Variants in KIRREL3 observed in about 807,000 individuals in gnomAD.
KIRREL3 encodes kin of IRRE-like protein 3.
KIRREL3 carries 36 observed loss-of-function variants against 89.7 expected under a neutral mutation model. The ratio of observed to expected loss-of-function variants is 0.40; its 90% CI spans 0.31 to 0.53. The LOEUF is 0.53. KIRREL3 is among the 20% of genes least tolerant of loss of function. The pLI is 0.49. For synonymous variants in KIRREL3, 445 were observed against 441.4 expected (o/e 1.01, Z -0.10); for missense variants, 864 against 1,056.6 (o/e 0.82, Z 2.53).
intron 6 of KIRREL3, among the ~76,000 whole-genome samples, chr11:126,461,587 G>T (rs896974267): frequency 6.6e-5 from 10 of 152,214 alleles, no homozygotes; most frequent in African/African-American, 2.2e-4. Context: ...CCCGCCCCAA[G>T]AACTCAGCCT....
chr11:126,541,886 C>T lies in KIRREL3; in HGVS notation c.134-15199G>A, dbSNP rs1394657884. 6.6e-6 allele frequency among the ~76,000 whole-genome samples: 1 copy of T among 152,220 alleles called. No homozygotes were observed. Among genetic ancestry groups the T allele is most frequent in the African/African-American group, 2.4e-5 (1 of 41,442 alleles). ...CCACTGCACAGTGAAGGCATTTTCA[C>T]ACCTTTTGAAAGTTCATGCAACCCT... On this transcript the variant is annotated intron_variant, in intron 2 of 16. Coordinates refer to ENST00000525144, the MANE Select transcript of KIRREL3 (RefSeq NM_032531.4). This position sits in a 1 kb window ranked among gnomAD's most constrained non-coding sequence, Gnocchi z 4.8.
Position 126,948,914 on chromosome 11 carries a change from A to G in KIRREL3, c.55+51541T>C, listed in dbSNP as rs1342304417. Among the ~76,000 whole-genome samples the G allele has an allele frequency of 6.6e-6, 1 of 152,230 alleles. No individual in the cohort carries two copies. The highest frequency in any genetic ancestry group is 2.4e-5 in the African/African-American group (1 of 41,450). ...ATAATCCCATATACATATACCATAT[A>G]ACATGCTGGGCTAGGAGAAGAATGC... On this transcript the variant is annotated intron_variant, in intron 1 of 16. Transcript: ENST00000525144. This position sits in a 1 kb window ranked among gnomAD's most constrained non-coding sequence, Gnocchi z 4.5.
At chr11:126,956,409 TC>T (rs1352070849) in intron 1 of KIRREL3, among the ~76,000 whole-genome samples, 1 of 152,190 alleles carries the variant, frequency 6.6e-6, no homozygotes, top group Non-Finnish European at 1.5e-5. Context: ...CCTCATATCT[TC>T]ATCAGTCCAT....
intron 1 of KIRREL3, among the ~76,000 whole-genome samples, chr11:126,693,990 T>C (rs1946985581): frequency 6.6e-6 from 1 of 152,092 alleles, no homozygotes; most frequent in Non-Finnish European, 1.5e-5. Flanking sequence ...GGCAGGCCAG[T>C]AGAGGAAGGA....
Position 126,431,484 on chromosome 11 carries a change from G to A in KIRREL3, c.1631C>T (p.Ala544Val), listed in dbSNP as rs768554893. ...MAVIIGVAVG[A>V]GVAFLVLMAT... ...CATAAGGACGAGGAAGGCCACACCA[G>A]CTCCTACGGCCACCCCAATGATGAC... Residue 544 changes from alanine (A) to valine (V), a missense_variant, in exon 14 of 17, where the codon GCT becomes GTT. Transcript: ENST00000525144. This position sits in a 1 kb window ranked among gnomAD's most constrained non-coding sequence, Gnocchi z 7.1. The A allele has an allele frequency of 5.8e-5, 93 of 1,613,904 alleles. No homozygotes were observed. Among genetic ancestry groups the A allele is most frequent in the Non-Finnish European group, 7.8e-5 (92 of 1,179,912 alleles).
chr11:126,662,733 C>T (rs1191208129), intron 1 of KIRREL3, among the ~76,000 whole-genome samples: 1 of 151,918 alleles, frequency 6.6e-6, no homozygotes, highest in Non-Finnish European at 1.5e-5. Flanking sequence ...TGGAGGAGTC[C>T]AAAACATTCA....
rs1000796877 is a variant in KIRREL3, at chr11:126,628,810, C to T, written c.56-65898G>A. Among the ~76,000 whole-genome samples, 8 of 152,208 alleles carry T rather than the reference C, an allele frequency of 5.3e-5. No individual in the cohort carries two copies. The highest frequency in any genetic ancestry group is 3.9e-4 in the East Asian group (2 of 5,186). ...AGGGCCTCGCCTCTACTGCCCCCTC[C>T]GCTCGCTCTGCCTGTGCAGGGTCCA... On this transcript the variant is annotated intron_variant, in intron 1 of 16. Transcript: ENST00000525144. This position sits in a 1 kb window ranked among gnomAD's most constrained non-coding sequence, Gnocchi z 5.2.
In KIRREL3 at chr11:126,561,321, CCCT is replaced by C. The variant is rs1940102587; in HGVS notation, c.133+1511_133+1513del. ...ATGTTGGCTCAGCTTGCATCCCATCCCCTCATCTCCTCAGCCACCCAGAAGCTG... is the reference window on the plus strand; with the variant it reads ...ATGTTGGCTCAGCTTGCATCCCATCCCATCTCCTCAGCCACCCAGAAGCTG... On this transcript the variant is annotated intron_variant, in intron 2 of 16. Coordinates refer to ENST00000525144, the MANE Select transcript of KIRREL3 (RefSeq NM_032531.4). This position sits in a 1 kb window ranked among gnomAD's most constrained non-coding sequence, Gnocchi z 4.5. Among the ~76,000 whole-genome samples the C allele has an allele frequency of 6.6e-6, 1 of 152,308 alleles. No individual in the cohort carries two copies. Among genetic ancestry groups the C allele is most frequent in the South Asian group, 2.1e-4 (1 of 4,824 alleles).
In KIRREL3 at chr11:126,429,259, C is replaced by A; in HGVS notation, c.1726G>T (p.Asp576Tyr). Residue 576 changes from aspartate (D) to tyrosine (Y), a missense_variant, in exon 15 of 17, where the codon GAT (aspartate) becomes TAT (tyrosine). Coordinates refer to ENST00000525144, the MANE Select transcript of KIRREL3 (RefSeq NM_032531.4). The surrounding 1 kb of genome is among the most constrained non-coding windows in gnomAD (Gnocchi z 5.2). Reference protein sequence around the residue: ...NLKGVVSAKNDIRVEIVHKEP... With the variant: ...NLKGVVSAKNYIRVEIVHKEP... ...TTGTGGACAATTTCCACTCGGATATCATTTTTGGCTGACACAACACCTTTG... is the reference window on the plus strand; with the variant it reads ...TTGTGGACAATTTCCACTCGGATATAATTTTTGGCTGACACAACACCTTTG... The A allele has an allele frequency of 6.2e-7, 1 of 1,613,858 alleles. No homozygotes were observed. The highest frequency in any genetic ancestry group is 8.5e-7 in the Non-Finnish European group (1 of 1,179,754).
chr11:126,897,031 T>C lies in KIRREL3; in HGVS notation c.55+103424A>G, dbSNP rs1003895017. Among the ~76,000 whole-genome samples the C allele has an allele frequency of 1.3e-5, 2 of 152,036 alleles. No homozygotes were observed. The highest frequency in any genetic ancestry group is 2.9e-5 in the Non-Finnish European group (2 of 67,984). On this transcript the variant is annotated intron_variant, in intron 1 of 16. Transcript: ENST00000525144. This position sits in a 1 kb window ranked among gnomAD's most constrained non-coding sequence, Gnocchi z 4.2. ...CCATCCAAGTACCAAAAATCCCTAGTAGGCAGCCTTCTCCTCTCTCTTCCC... is the reference window on the plus strand; with the variant it reads ...CCATCCAAGTACCAAAAATCCCTAGCAGGCAGCCTTCTCCTCTCTCTTCCC...
rs1949650867 is a variant in KIRREL3, at chr11:126,978,858, C to T, written c.55+21597G>A. ...TGCACCCGGGATGCTTATTCTCTTA[C>T]CTGGCTTCCCTGTTATGCCCTGTGT... On this transcript the variant is annotated intron_variant, in intron 1 of 16. Coordinates refer to ENST00000525144, the MANE Select transcript of KIRREL3 (RefSeq NM_032531.4). This position sits in a 1 kb window ranked among gnomAD's most constrained non-coding sequence, Gnocchi z 4.2. 6.6e-6 allele frequency among the ~76,000 whole-genome samples: 1 copy of T among 152,182 alleles called. No individual in the cohort carries two copies. Among genetic ancestry groups the T allele is most frequent in the Admixed American group, 6.5e-5 (1 of 15,274 alleles).
chr11:126,816,046 T>C (rs1951562834), intron 1 of KIRREL3, among the ~76,000 whole-genome samples: 1 of 152,208 alleles, frequency 6.6e-6, no homozygotes, highest in Admixed American at 6.5e-5. Flanking sequence ...TCTTTCCTTG[T>C]TATTTATTTG....
At position 126,795,089 on chromosome 11, in the gene KIRREL3, A is replaced by G. The variant is rs1950763521; in HGVS notation, c.55+205366T>C. ...CCAGGGGTTGGGCAGGAGGAGGAGGAGAGAGATGAATTGTGGAGCACAGGT... is the reference window on the plus strand; with the variant it reads ...CCAGGGGTTGGGCAGGAGGAGGAGGGGAGAGATGAATTGTGGAGCACAGGT... On this transcript the variant is annotated intron_variant, in intron 1 of 16. Coordinates refer to ENST00000525144, the MANE Select transcript of KIRREL3 (RefSeq NM_032531.4). This position sits in a 1 kb window ranked among gnomAD's most constrained non-coding sequence, Gnocchi z 4.1. 6.6e-6 allele frequency among the ~76,000 whole-genome samples: 1 copy of G among 152,184 alleles called. No individual in the cohort carries two copies. The highest frequency in any genetic ancestry group is 6.5e-5 in the Admixed American group (1 of 15,276).
In KIRREL3 at chr11:126,892,964, T is replaced by C. The variant is rs1391954127; in HGVS notation, c.55+107491A>G. On this transcript the variant is annotated intron_variant, in intron 1 of 16. Coordinates refer to ENST00000525144, the MANE Select transcript of KIRREL3 (RefSeq NM_032531.4). The surrounding 1 kb of genome is among the most constrained non-coding windows in gnomAD (Gnocchi z 5.4). ...CTGAGTATTCTAATTGCCTGTGGGA[T>C]AGGATTTCACTATATCCCTGCACAG... 6.6e-6 allele frequency among the ~76,000 whole-genome samples: 1 copy of C among 152,194 alleles called. No homozygotes were observed. Among genetic ancestry groups the C allele is most frequent in the Non-Finnish European group, 1.5e-5 (1 of 68,038 alleles).
At position 126,440,725 on chromosome 11, in the gene KIRREL3, A is replaced by G. The variant is rs73629340; in HGVS notation, c.1253-176T>C. The stretch of plus-strand genomic sequence containing the variant: ...GGACTCAGAGATAAATTAGGCATTC[A>G]GTCATAAACCTCTCAAGGGATCATG... On this transcript the variant is annotated intron_variant, in intron 10 of 16. Transcript: ENST00000525144. 0.017 allele frequency: 11,133 copies of G among 658,820 alleles called. 868 individuals are homozygous for G. The African/African-American group carries it at 0.17, about 10-fold the overall frequency. The allele number at this position is 658,820 out of a possible 1,614,324, so 40.8% of individuals were successfully genotyped here. A position where few individuals can be genotyped will look rare whatever the true frequency, so the allele number is the denominator to read the frequency against.
chr11:126,772,216 A>T lies in KIRREL3; in HGVS notation c.56-209304T>A, dbSNP rs1167727938. Among the ~76,000 whole-genome samples the T allele has an allele frequency of 6.6e-6, 1 of 152,228 alleles. No homozygotes were observed. ...AAGTGTTAGTTGGGAGGGAGGATGC[A>T]CTACAAATCAGAAAGAACAGTGCTA... On this transcript the variant is annotated intron_variant, in intron 1 of 16. Coordinates refer to ENST00000525144, the MANE Select transcript of KIRREL3 (RefSeq NM_032531.4). The surrounding 1 kb of genome is among the most constrained non-coding windows in gnomAD (Gnocchi z 4.6).
rs587780377 is a variant in KIRREL3, at chr11:126,436,826, G to A, written c.1537C>T (p.Arg513Trp). 58 of 1,613,484 alleles carry A rather than the reference G, an allele frequency of 3.6e-5. No individual in the cohort carries two copies. Among genetic ancestry groups the A allele is most frequent in the Middle Eastern group, 3.5e-4 (2 of 5,758 alleles). ...NSFGSDTEII[R>W]LKEQGSEMKS... ...CAGCTCTCACCTTGCTCCTTGAGCC[G>A]GATGATCTCAGTGTCGGAGCCGAAG... Residue 513 changes from arginine (R) to tryptophan (W), a missense_variant, in exon 12 of 17, where the codon CGG becomes TGG. Physicochemically the swap from Arg to Trp is moderately radical, Grantham distance 101 (BLOSUM62 -3). Coordinates refer to ENST00000525144, the MANE Select transcript of KIRREL3 (RefSeq NM_032531.4).
At chr11:126,585,875 A>T (rs1941824543) in intron 1 of KIRREL3, among the ~76,000 whole-genome samples, 1 of 152,200 alleles carries the variant, frequency 6.6e-6, no homozygotes, top group Non-Finnish European at 1.5e-5. Flanking sequence ...ACGGAACGTG[A>T]TTGGAGTTGG....
intron 1 of KIRREL3, among the ~76,000 whole-genome samples, chr11:126,765,912 C>G (rs2134281916): frequency 6.6e-6 from 1 of 152,176 alleles, no homozygotes; most frequent in South Asian, 2.1e-4. Context: ...CAAGGAAGCC[C>G]CTCCCTTCCC....
Sources: allele counts gnomAD v4.1 joint callset (sites outside exome capture counted in the v4.1 genomes callset), GRCh38; gene constraint gnomAD v4.1.1; non-coding constraint Gnocchi (gnomAD v3.1); transcripts MANE v1.5; gene names NCBI Gene and HGNC (gene_info 2026-07-23, HGNC 2026-07-21).